Variants in PDE6B observed in about 807,000 individuals in gnomAD.
PDE6B encodes phosphodiesterase 6B.
In PDE6B, 106 loss-of-function variants were observed where a neutral mutation model predicts 109.0. The observed-to-expected ratio is 0.97, with a 90% CI of 0.83 to 1.14. The LOEUF (loss-of-function observed/expected upper bound fraction) is 1.14, where lower values mean the gene tolerates loss of function less well. Among genes scored for constraint, PDE6B ranks in the 50% most tolerant of loss-of-function variants. The pLI is 0.00. For missense variants in PDE6B, 1,193 were observed against 1,155.6 expected (o/e 1.03, Z -0.47); for synonymous variants, 490 against 471.3 (o/e 1.04, Z -0.51).
At chr4:632,692 T>C (rs1219719540) in intron 1 of PDE6B, among the ~76,000 whole-genome samples, 2 of 147,538 alleles carry the variant, frequency 1.4e-5, no homozygotes, top group African/African-American at 2.5e-5. Flanking sequence ...TGTGTGGTGC[T>C]GTCTCAGGGT....
At position 665,193 on chromosome 4, in the gene PDE6B, G is replaced by T. The variant is rs879840563; in HGVS notation, c.2194-62G>T. ...ACCGAGGCTCGGAGCCTCACGGGGC[G>T]GGCCCGGGCCCTTCCGCGTGGGCTC... On this transcript the variant is annotated intron_variant, in intron 18 of 21. Transcript: ENST00000496514. The surrounding 1 kb of genome is among the most constrained non-coding windows in gnomAD (Gnocchi z 4.0). The T allele has an allele frequency of 3.2e-6, 4 of 1,252,066 alleles. No individual in the cohort carries two copies. Among genetic ancestry groups the T allele is most frequent in the Admixed American group, 1.9e-5 (1 of 53,786 alleles). The allele number at this position is 1,252,066 out of a possible 1,614,324, so 77.6% of individuals were successfully genotyped here. A position where few individuals can be genotyped will look rare whatever the true frequency, so the allele number is the denominator to read the frequency against.
chr4:657,833 CG>C (rs1328192756), intron 10 of PDE6B, among the ~76,000 whole-genome samples: 3 of 140,068 alleles, frequency 2.1e-5, no homozygotes, highest in Admixed American at 7.1e-5. Context: ...GGGGGCAGGT[CG>C]TCCAGGGGTC....
At chr4:632,015 ATGT>A (rs1176624029) in intron 1 of PDE6B, among the ~76,000 whole-genome samples, 4 of 150,368 alleles carry the variant, frequency 2.7e-5, no homozygotes, top group Non-Finnish European at 5.9e-5. Flanking sequence ...TCTGAGGGTC[ATGT>A]TGTGTGGATC....
chr4:649,394 G>A (rs1043130933), intron 3 of PDE6B, among the ~76,000 whole-genome samples: 1 of 152,078 alleles, frequency 6.6e-6, no homozygotes, highest in Non-Finnish European at 1.5e-5. Flanking sequence ...TCAAGGCCCT[G>A]GGCCCAGGGG....
chr4:642,258 G>T (rs562981343), intron 3 of PDE6B, among the ~76,000 whole-genome samples: 1 of 151,918 alleles, frequency 6.6e-6, no homozygotes, highest in South Asian at 2.1e-4. Flanking sequence ...GATCACCTGA[G>T]GTCGGGAGTT....
chr4:662,480 C>G lies in PDE6B; in HGVS notation c.1723-29C>G. The G allele has an allele frequency of 2.1e-6, 3 of 1,457,422 alleles. No individual in the cohort carries two copies. Among genetic ancestry groups the G allele is most frequent in the Non-Finnish European group, 1.9e-6 (2 of 1,037,702 alleles). The allele number at this position is 1,457,422 out of a possible 1,614,324, so 90.3% of individuals were successfully genotyped here. ...CTCCCCACCCTGCTGGAGCCAGGAC[C>G]GGTGAGCAAGGTGGCCCTGTCTCTA... On this transcript the variant is annotated intron_variant, in intron 13 of 21. Transcript: ENST00000496514. The surrounding 1 kb of genome is among the most constrained non-coding windows in gnomAD (Gnocchi z 4.3).
chr4:627,298 A>G lies in PDE6B; in HGVS notation c.468+1204A>G, dbSNP rs958405408. Among the ~76,000 whole-genome samples, 27 of 152,118 alleles carry G rather than the reference A, an allele frequency of 1.8e-4. 1 individual carries two copies. The highest frequency in any genetic ancestry group is 6.5e-4 in the African/African-American group (27 of 41,494). On this transcript the variant is annotated intron_variant, in intron 1 of 21. Coordinates refer to ENST00000496514, the MANE Select transcript of PDE6B (RefSeq NM_000283.4). The stretch of plus-strand genomic sequence containing the variant: ...GTAGCTAGGACTAGAGGTGCCCGCC[A>G]CCACACCCGGCTAATTTTTGTATTT...
At chr4:652,647 C>G (rs970318276) in intron 3 of PDE6B, 3 of 261,446 alleles carry the variant, frequency 1.1e-5, no homozygotes, top group Non-Finnish European at 1.8e-5. Flanking sequence ...GTAGAACAGC[C>G]GTTTTCATGG....
chr4:657,094 C>T, intron 9 of PDE6B, 71 bp downstream of exon 9: 1 of 1,474,156 alleles, frequency 6.8e-7, no homozygotes, highest in Non-Finnish European at 9.5e-7. Context: ...GGTGTGGGGG[C>T]CTCCCCGCCA....
At chr4:635,606 T>G (rs898712629) in intron 2 of PDE6B, among the ~76,000 whole-genome samples, 14 of 152,376 alleles carry the variant, frequency 9.2e-5, no homozygotes, top group Non-Finnish European at 1.0e-4. Context: ...GTGCTGCGCG[T>G]CTGCTGGGCT....
intron 8 of PDE6B, 141 bp from the exon 9 acceptor site, chr4:656,733 G>C (rs1196163508): frequency 6.9e-6 from 5 of 722,496 alleles, no homozygotes; most frequent in Non-Finnish European, 9.8e-6. Flanking sequence ...GGGAGAGAGG[G>C]AATGCAGAGA....
chr4:655,727 T>C, intron 6 of PDE6B: 1 of 639,052 alleles, frequency 1.6e-6, no homozygotes, highest in East Asian at 2.8e-5. Flanking sequence ...CCAGTCCATC[T>C]GACCCCAGTA....
Position 656,900 on chromosome 4 carries a change from G to A in PDE6B, c.1134G>A (p.Trp378Ter), listed in dbSNP as rs1360000258. 6.2e-7 allele frequency: 1 copy of A among 1,612,772 alleles called. No homozygotes were observed. The highest frequency in any genetic ancestry group is 8.5e-7 in the Non-Finnish European group (1 of 1,179,964). The change falls in exon 9 of 22, where the codon TGG (tryptophan) becomes TGA (stop). Residue 378 changes from tryptophan to a stop codon, truncating the protein, a stop_gained. Transcript: ENST00000496514. LOFTEE classifies it high-confidence loss of function. Reference sequence around the variant, plus strand: ...AAGGGGCCCTGGACGACTCCGGGTGGCTCATCAAGAATGTGCTGTCCATGC... The same window carrying A: ...AAGGGGCCCTGGACGACTCCGGGTGACTCATCAAGAATGTGCTGTCCATGC... Reference protein sequence around the residue: ...FQEGALDDSGWLIKNVLSMPI... With the variant: ...FQEGALDDSG
chr4:657,813 G>T (rs1456004476), intron 10 of PDE6B, among the ~76,000 whole-genome samples: 13 of 138,490 alleles, frequency 9.4e-5, no homozygotes, highest in Non-Finnish European at 1.7e-4. Flanking sequence ...AGGGGTCATG[G>T]CTGTGCGGCG....
chr4:628,445 C>T (rs999032299), intron 1 of PDE6B, among the ~76,000 whole-genome samples: 11 of 152,200 alleles, frequency 7.2e-5, no homozygotes, highest in East Asian at 5.8e-4. Flanking sequence ...CCCTCCTGCC[C>T]GGGCCACCCG....
At chr4:646,979 T>C (rs993275092) in intron 3 of PDE6B, among the ~76,000 whole-genome samples, 7 of 151,760 alleles carry the variant, frequency 4.6e-5, no homozygotes, top group Non-Finnish European at 1.0e-4. Context: ...TGCCTCAGCC[T>C]CCTGAGTAGC....
In PDE6B at chr4:662,690, G is replaced by A. The variant is rs534415149; in HGVS notation, c.1832+72G>A. 1.7e-5 allele frequency: 16 copies of A among 966,214 alleles called. No individual in the cohort carries two copies. The highest frequency in any genetic ancestry group is 6.5e-5 in the South Asian group (5 of 77,110). The allele number at this position is 966,214 out of a possible 1,614,324, so 59.9% of individuals were successfully genotyped here. A position where few individuals can be genotyped will look rare whatever the true frequency, so the allele number is the denominator to read the frequency against. On this transcript the variant is annotated intron_variant, in intron 14 of 21. Transcript: ENST00000496514. This position sits in a 1 kb window ranked among gnomAD's most constrained non-coding sequence, Gnocchi z 4.3. ...ACGCCCTTGGCGTGAATTAGGCTTC[G>A]CATAGCAGGCTATGTAGAAAGTGGA...
chr4:653,432 C>A, intron 3 of PDE6B: 1 of 824,558 alleles, frequency 1.2e-6, no homozygotes, highest in Non-Finnish European at 1.6e-6. Flanking sequence ...ATGCTTCACT[C>A]TCAGACGCTT....
chr4:637,088 G>A (rs761409690), intron 3 of PDE6B, among the ~76,000 whole-genome samples: 6 of 152,206 alleles, frequency 3.9e-5, no homozygotes, highest in Non-Finnish European at 7.3e-5. Context: ...AGTATTGTAT[G>A]CTTAGGTTAT....
Sources: allele counts gnomAD v4.1 joint callset (sites outside exome capture counted in the v4.1 genomes callset), GRCh38; gene constraint gnomAD v4.1.1; non-coding constraint Gnocchi (gnomAD v3.1); transcripts MANE v1.5; gene names NCBI Gene and HGNC (gene_info 2026-07-23, HGNC 2026-07-21).